The following GRID2 variants were observed in gnomAD, a reference collection of about 807,000 sequenced individuals.
GRID2 encodes glutamate receptor ionotropic, delta-2.
A neutral mutation model predicts 114.8 loss-of-function variants in GRID2; 33 were observed. That is an observed-to-expected ratio of 0.29 (90% confidence interval 0.22 to 0.38). The LOEUF (loss-of-function observed/expected upper bound fraction) is 0.38, where lower values mean the gene tolerates loss of function less well. Among genes scored for constraint, GRID2 ranks in the 10% least tolerant of loss-of-function variants. The probability of loss-of-function intolerance (pLI) is 1.00; values close to 1 mark genes in which losing one functional copy is unlikely to be tolerated. For missense variants in GRID2, 1,184 were observed against 1,257.7 expected, an observed-to-expected ratio of 0.94 and a Z score of 0.89; for synonymous variants, 505 against 449.9, an observed-to-expected ratio of 1.12 and a Z score of -1.55.
intron 1 of GRID2, among the ~76,000 whole-genome samples, chr4:92,403,697 TAAATAA>T (rs1165851368): frequency 1.3e-4 from 1 of 7,758 alleles, no homozygotes; most frequent in African/African-American, 3.6e-4. Context: ...ATCTCAAAAA[TAAATAA>T]ATAAATAAAT....
chr4:93,130,255 C>T (rs1734676945), intron 4 of GRID2, among the ~76,000 whole-genome samples: 1 of 152,096 alleles, frequency 6.6e-6, no homozygotes, highest in African/African-American at 2.4e-5. Flanking sequence ...GCCTGGGCAA[C>T]ATGATGAGAT....
At chr4:93,724,106 G>C (rs569728000) in intron 14 of GRID2, among the ~76,000 whole-genome samples, 1 of 152,134 alleles carries the variant, frequency 6.6e-6, no homozygotes, top group Non-Finnish European at 1.5e-5. Flanking sequence ...TAAAAGACAC[G>C]AAATGAGTCC....
intron 2 of GRID2, among the ~76,000 whole-genome samples, chr4:92,672,130 T>G (rs1366995162): frequency 6.6e-6 from 1 of 152,192 alleles, no homozygotes; most frequent in African/African-American, 2.4e-5. Context: ...TTCAAACATA[T>G]TCAAATGAGA....
chr4:93,503,949 G>A (rs1728384921), intron 12 of GRID2, among the ~76,000 whole-genome samples: 1 of 152,048 alleles, frequency 6.6e-6, no homozygotes. Flanking sequence ...CTGTTCCTGT[G>A]TTATAAAGAG....
chr4:93,340,265 C>G (rs1001111414), intron 8 of GRID2, among the ~76,000 whole-genome samples: 1 of 117,996 alleles, frequency 8.5e-6, no homozygotes, highest in Non-Finnish European at 1.8e-5. Context: ...TTTTAACTTT[C>G]TGTAGAAAAA....
In GRID2 at chr4:92,729,394, A is replaced by T. The variant is rs1214040033; in HGVS notation, c.244+139108A>T. Reference sequence around the variant, plus strand: ...AATTAATTGAAATCATTTTTGGAGTATTACCTGTGTATGTTCACCACCCTT... The same window carrying T: ...AATTAATTGAAATCATTTTTGGAGTTTTACCTGTGTATGTTCACCACCCTT... On this transcript the variant is annotated intron_variant, in intron 2 of 15. Transcript: ENST00000282020. 3.9e-5 allele frequency among the ~76,000 whole-genome samples: 6 copies of T among 151,964 alleles called. No individual in the cohort carries two copies. In the East Asian group the frequency reaches 1.2e-3, roughly 29 times the overall value.
intron 2 of GRID2, among the ~76,000 whole-genome samples, chr4:92,716,621 CTG>C (rs1405187951): frequency 6.6e-6 from 1 of 152,098 alleles, no homozygotes; most frequent in Non-Finnish European, 1.5e-5. Flanking sequence ...GTTCAGCTGT[CTG>C]TGTTTTATGT....
In GRID2 at chr4:93,207,523, C is replaced by A. The variant is rs1264542636; in HGVS notation, c.789+66C>A. 6 of 985,264 alleles carry A rather than the reference C, an allele frequency of 6.1e-6. 1 individual carries two copies. The highest frequency in any genetic ancestry group is 5.0e-5 in the African/African-American group (3 of 60,584). The allele number at this position is 985,264 out of a possible 1,614,324, so 61.0% of individuals were successfully genotyped here. ...TTTCACATATATAATTGTAGCATTT[C>A]CAATGGCCTTGAATTTTTAAGCGGA... On this transcript the variant is annotated intron_variant, in intron 5 of 15. Coordinates refer to ENST00000282020, the MANE Select transcript of GRID2 (RefSeq NM_001510.4).
chr4:93,332,927 C>A (rs1174006595), intron 8 of GRID2, among the ~76,000 whole-genome samples: 2 of 152,114 alleles, frequency 1.3e-5, no homozygotes, highest in African/African-American at 4.8e-5. Flanking sequence ...GCGATCACCA[C>A]CAGTCATAAC....
intron 2 of GRID2, among the ~76,000 whole-genome samples, chr4:92,751,891 A>G (rs1239923929): frequency 2.0e-5 from 3 of 152,222 alleles, no homozygotes; most frequent in Non-Finnish European, 4.4e-5. Context: ...TAACCTATGT[A>G]GACAAGGGCA....
chr4:93,027,365 G>A (rs533258434), intron 2 of GRID2, among the ~76,000 whole-genome samples: 1 of 151,974 alleles, frequency 6.6e-6, no homozygotes, highest in Non-Finnish European at 1.5e-5. Flanking sequence ...AGAGAAAATT[G>A]AGGCGGGACA....
At chr4:93,449,910 C>A (rs1298165999) in intron 10 of GRID2, among the ~76,000 whole-genome samples, 1 of 151,776 alleles carries the variant, frequency 6.6e-6, no homozygotes, top group Non-Finnish European at 1.5e-5. Flanking sequence ...TACAAAAGAA[C>A]CAAAGAATGA....
intron 1 of GRID2, among the ~76,000 whole-genome samples, chr4:92,363,745 T>C (rs1728723997): frequency 6.6e-6 from 1 of 152,028 alleles, no homozygotes; most frequent in Admixed American, 6.6e-5. Context: ...GTTGTGATAT[T>C]TTTTAACAAA....
chr4:93,593,438 G>A (rs1738639323), intron 13 of GRID2, among the ~76,000 whole-genome samples: 1 of 130,158 alleles, frequency 7.7e-6, no homozygotes, highest in African/African-American at 2.9e-5. Flanking sequence ...TTAGTCTGAT[G>A]GGCTTCCCTT....
At position 93,282,073 on chromosome 4, in the gene GRID2, A is replaced by C. The variant is rs560377865; in HGVS notation, c.1245+43583A>C. Among the ~76,000 whole-genome samples the C allele has an allele frequency of 6.6e-5, 10 of 152,096 alleles. No homozygotes were observed. The South Asian group carries it at 1.7e-3, about 25-fold the overall frequency. ...AACAGAAGAAAAATGAGTTGTATTTATTTCTTTCCTTTTACTTTTTTGAAC... is the reference window on the plus strand; with the variant it reads ...AACAGAAGAAAAATGAGTTGTATTTCTTTCTTTCCTTTTACTTTTTTGAAC... On this transcript the variant is annotated intron_variant, in intron 8 of 15. Transcript: ENST00000282020.
chr4:92,867,675 G>T (rs1744971811), intron 2 of GRID2, among the ~76,000 whole-genome samples: 1 of 151,040 alleles, frequency 6.6e-6, no homozygotes, highest in Admixed American at 6.6e-5. Flanking sequence ...ACACTTGGTT[G>T]CTCAATGGAA....
chr4:93,131,485 CTCTT>C (rs1250018487), intron 4 of GRID2, among the ~76,000 whole-genome samples: 2 of 151,488 alleles, frequency 1.3e-5, no homozygotes, highest in African/African-American at 4.8e-5. Context: ...CCAGTCTAAT[CTCTT>C]TATTTTTTAA....
At chr4:92,353,886 C>T (rs1182756420) in intron 1 of GRID2, among the ~76,000 whole-genome samples, 2 of 151,968 alleles carry the variant, frequency 1.3e-5, no homozygotes, top group Non-Finnish European at 2.9e-5. Flanking sequence ...AAGAAAATTC[C>T]CTCTCAGATT....
At chr4:93,691,244 T>G (rs1235259522) in intron 14 of GRID2, among the ~76,000 whole-genome samples, 1 of 151,946 alleles carries the variant, frequency 6.6e-6, no homozygotes, top group African/African-American at 2.4e-5. Flanking sequence ...GATAGATTGA[T>G]TAGAACAAAT....
Sources: allele counts gnomAD v4.1 joint callset (sites outside exome capture counted in the v4.1 genomes callset), GRCh38; gene constraint gnomAD v4.1.1; transcripts MANE v1.5; gene names NCBI Gene and HGNC (gene_info 2026-07-23, HGNC 2026-07-21).